The following IRS4 variants were observed in gnomAD, a reference collection of about 807,000 sequenced individuals.
IRS4 encodes 160 kDa phosphotyrosine protein.
IRS4 carries 15 observed loss-of-function variants against 48.6 expected under a neutral mutation model. The observed-to-expected ratio is 0.31, with a 90% CI of 0.21 to 0.48. The LOEUF is 0.48. IRS4 is among the 20% of genes least tolerant of loss of function. IRS4 has a pLI of 0.99. For missense variants in IRS4, 987 were observed against 1,023.4 expected, an observed-to-expected ratio of 0.96 and a Z score of 0.49; for synonymous variants, 459 against 413.2, an observed-to-expected ratio of 1.11 and a Z score of -1.34.
In IRS4 at chrX:108,732,930, C is replaced by G. The variant is rs757680818; in HGVS notation, c.3415G>C (p.Ala1139Pro). The G allele has an allele frequency of 2.5e-6, 3 of 1,183,881 alleles. No homozygotes were observed. In the Admixed American group the frequency reaches 6.9e-5, roughly 27 times the overall value. The change falls in exon 1 of 2, where the codon GCG (alanine) becomes CCG (proline). Residue 1139 changes from alanine to proline, a missense_variant. Coordinates refer to ENST00000372129, the MANE Select transcript of IRS4 (RefSeq NM_001379150.1). ...ALSQVVAAAS[A>P]LAAAPGIGAA... is the part of the protein sequence containing the mutation. ...CCGATGCCCGGGGCTGCGGCGAGCG[C>G]GGAGGCCGCAGCTACAACTTGGCTG...
In IRS4 at chrX:108,733,135, A is replaced by G; in HGVS notation, c.3210T>C (p.Pro1070=). The G allele has an allele frequency of 1.7e-6, 2 of 1,211,365 alleles. No individual in the cohort carries two copies. Among genetic ancestry groups the G allele is most frequent in the Middle Eastern group, 2.3e-4 (1 of 4,352 alleles). Residue 1070 remains proline, a synonymous_variant, in exon 1 of 2, where the codon CCT becomes CCC. Coordinates refer to ENST00000372129, the MANE Select transcript of IRS4 (RefSeq NM_001379150.1). The part of the protein sequence containing the change: ...LSPSRCSEPP[P]VARLLQEEEQ... ...CTTCTTCCTGCAGCAGCCTAGCTACAGGTGGTGGTTCAGAACATCGGCTGG... is the reference window on the plus strand; with the variant it reads ...CTTCTTCCTGCAGCAGCCTAGCTACGGGTGGTGGTTCAGAACATCGGCTGG...
intron 1 of IRS4, among the ~76,000 whole-genome samples, chrX:108,727,600 A>C (rs186649302): frequency 8.4e-4 from 94 of 112,540 alleles, no homozygotes; most frequent in African/African-American, 2.9e-3. Flanking sequence ...GTTTTCTAGT[A>C]AATGATCCTC....
In IRS4 at chrX:108,734,096, A is replaced by C. The variant is rs768366880; in HGVS notation, c.2249T>G (p.Val750Gly). Residue 750 changes from valine to glycine, a missense_variant, in exon 1 of 2, where the codon GTG becomes GGG. Around this residue, in one of 4 missense-constraint regions of IRS4, gnomAD observed 720 missense variants for 660.3 expected, o/e 1.09. Coordinates refer to ENST00000372129, the MANE Select transcript of IRS4 (RefSeq NM_001379150.1). ...AGGACTCGGAGCAGGTGGTGGGCTCACTCTGGGAAACATCATCATGTACCC... is the reference window on the plus strand; with the variant it reads ...AGGACTCGGAGCAGGTGGTGGGCTCCCTCTGGGAAACATCATCATGTACCC... ...SRGYMMMFPR[V>G]SPPPAPSPPK... 5.8e-6 allele frequency: 7 copies of C among 1,209,243 alleles called. No homozygotes were observed. Among genetic ancestry groups the C allele is most frequent in the Non-Finnish European group, 6.7e-6 (6 of 895,011 alleles).
Position 108,733,917 on chromosome X carries a change from A to G in IRS4, c.2428T>C (p.Ser810Pro), listed in dbSNP as rs201542593. The G allele has an allele frequency of 8.3e-7, 1 of 1,209,753 alleles. No individual in the cohort carries two copies. The highest frequency in any genetic ancestry group is 1.8e-5 in the African/African-American group (1 of 57,058). The change falls in exon 1 of 2, where the codon TCT (serine) becomes CCT (proline). Residue 810 changes from serine to proline, a missense_variant. Ser to Pro is a moderately conservative substitution (Grantham distance 74). Around this residue, in one of 4 missense-constraint regions of IRS4, gnomAD observed 720 missense variants for 660.3 expected, o/e 1.09. Transcript: ENST00000372129. ...SSSKSWSSYF[S>P]LPNPFRSSPL... Reference sequence around the variant, plus strand: ...GAGCTCCGAAAAGGGTTTGGTAGAGAGAAGTAGGAGCTCCAACTTTTGGAG... The same window carrying G: ...GAGCTCCGAAAAGGGTTTGGTAGAGGGAAGTAGGAGCTCCAACTTTTGGAG...
Position 108,733,953 on chromosome X carries a change from C to G in IRS4, c.2392G>C (p.Gly798Arg), listed in dbSNP as rs900143792. The change falls in exon 1 of 2, where the codon GGT becomes CGT. Residue 798 changes from glycine to arginine, a missense_variant. Gly to Arg is a moderately radical substitution (Grantham distance 125). Transcript: ENST00000372129. ...AIPKNPRNPQ[G>R]GSSSKSWSSY... ...CTCCAACTTTTGGAGGAAGAGCCACCCTGAGGATTTCTGGGGTTTTTTGGA... is the reference window on the plus strand; with the variant it reads ...CTCCAACTTTTGGAGGAAGAGCCACGCTGAGGATTTCTGGGGTTTTTTGGA... 1.7e-6 allele frequency: 2 copies of G among 1,209,712 alleles called. No individual in the cohort carries two copies. The highest frequency in any genetic ancestry group is 3.0e-5 in the East Asian group (1 of 33,739).
intron 1 of IRS4, among the ~76,000 whole-genome samples, chrX:108,728,145 T>C (rs2068883592): frequency 8.9e-6 from 1 of 112,247 alleles, no homozygotes; most frequent in Non-Finnish European, 1.9e-5. Context: ...GGGATCTAAA[T>C]AGATACATAC....
In IRS4 at chrX:108,735,339, A is replaced by G. The variant is rs1180011371; in HGVS notation, c.1006T>C (p.Tyr336His). The G allele has an allele frequency of 8.3e-7, 1 of 1,209,186 alleles. No homozygotes were observed. Among genetic ancestry groups the G allele is most frequent in the East Asian group, 3.0e-5 (1 of 33,673 alleles). The change falls in exon 1 of 2, where the codon TAC (tyrosine) becomes CAC (histidine). Residue 336 changes from tyrosine (Y) to histidine (H), a missense_variant. By Grantham distance (83) the Tyr-to-His change is moderately conservative. This residue lies in a region of IRS4 where 74 missense variants were observed against 100.4 expected (regional missense o/e 0.74). Coordinates refer to ENST00000372129, the MANE Select transcript of IRS4 (RefSeq NM_001379150.1). ...CTGTAGCTGCGGCAGCGGGCTCTGT[A>G]TTCGTCTGCACACAAGGCTCTCATC... ...EKMRALCADE[Y>H]RARCRSYSIS...
chrX:108,727,144 A>T (rs1569510751), intron 1 of IRS4, among the ~76,000 whole-genome samples: 2 of 112,262 alleles, frequency 1.8e-5, no homozygotes, highest in East Asian at 2.8e-4. Context: ...AATAAGAAAG[A>T]GGTATCAGGA....
chrX:108,734,087 G>C lies in IRS4; in HGVS notation c.2258C>G (p.Pro753Arg). ...TGCTTTTGGAGGACTCGGAGCAGGT[G>C]GTGGGCTCACTCTGGGAAACATCAT... ...YMMMFPRVSPPPAPSPPKAPD... is the reference protein window; with the variant it reads ...YMMMFPRVSPRPAPSPPKAPD... The change falls in exon 1 of 2, where the codon CCA (proline) becomes CGA (arginine). Residue 753 changes from proline (P) to arginine (R), a missense_variant. By Grantham distance (103) the Pro-to-Arg change is moderately radical. Transcript: ENST00000372129. 8.3e-7 allele frequency: 1 copy of C among 1,211,646 alleles called. No individual in the cohort carries two copies.
Position 108,733,287 on chromosome X carries a change from T to G in IRS4, c.3058A>C (p.Ile1020Leu), listed in dbSNP as rs1330981216. 9.9e-6 allele frequency: 12 copies of G among 1,211,359 alleles called. No individual in the cohort carries two copies. Among genetic ancestry groups the G allele is most frequent in the Non-Finnish European group, 1.3e-5 (12 of 895,392 alleles). The change falls in exon 1 of 2, where the codon ATT becomes CTT. Residue 1020 changes from isoleucine to leucine, a missense_variant. Around this residue, in one of 4 missense-constraint regions of IRS4, gnomAD observed 720 missense variants for 660.3 expected, o/e 1.09. Coordinates refer to ENST00000372129, the MANE Select transcript of IRS4 (RefSeq NM_001379150.1). The part of the protein sequence containing the change: ...IEEEGDYIEV[I>L]FNSAMTPAMA... ...GCTGGTGTCATTGCTGAGTTGAAAATTACTTCAATGTAGTCACCCTCTTCC... is the reference window on the plus strand; with the variant it reads ...GCTGGTGTCATTGCTGAGTTGAAAAGTACTTCAATGTAGTCACCCTCTTCC...
intron 1 of IRS4, among the ~76,000 whole-genome samples, chrX:108,731,793 A>G (rs1453832517): frequency 8.9e-6 from 1 of 111,995 alleles, no homozygotes; most frequent in African/African-American, 3.3e-5. Flanking sequence ...ACCCTCTTTT[A>G]GAAGGGTGGG....
rs138941739 is a variant in IRS4 at position 108,732,793 on chromosome X, G to A, written c.3552C>T (p.Gly1184=). The change falls in exon 1 of 2, where the codon GGC becomes GGT. Residue 1184 remains glycine (G), a synonymous_variant. Transcript: ENST00000372129. Reference sequence around the variant, plus strand: ...ATGGGTTGTGGGCTCCAGGGTTCGAGCCACCGGCAACGTCTTGGGCTCCCC... The same window carrying A: ...ATGGGTTGTGGGCTCCAGGGTTCGAACCACCGGCAACGTCTTGGGCTCCCC... The part of the protein sequence containing the change: ...AVRGAQDVAG[G]SNPGAHNPSA... 9 of 1,194,284 alleles carry A rather than the reference G, an allele frequency of 7.5e-6. No individual in the cohort carries two copies. The highest frequency in any genetic ancestry group is 1.0e-5 in the Non-Finnish European group (9 of 885,639).
In IRS4 at chrX:108,736,508, A is replaced by T. The variant is rs933689271; in HGVS notation, c.-164T>A. The T allele has an allele frequency of 2.3e-6, 2 of 859,929 alleles. 1 individual carries two copies. Among genetic ancestry groups the T allele is most frequent in the Non-Finnish European group, 3.3e-6 (2 of 614,777 alleles). The allele number at this position is 859,929 out of a possible 1,213,427, so 70.9% of individuals were successfully genotyped here. On this transcript the variant is annotated 5_prime_UTR_variant, in exon 1 of 2. Coordinates refer to ENST00000372129, the MANE Select transcript of IRS4 (RefSeq NM_001379150.1). The stretch of plus-strand genomic sequence containing the variant: ...CTGAGCGCACGACAGCGGGCAAAAC[A>T]ACACGTGACCACAGCCTCACGCGGC...
rs773958072 is a variant in IRS4, at chrX:108,735,014, C to T, written c.1331G>A (p.Arg444Gln). The T allele has an allele frequency of 9.1e-6, 11 of 1,210,141 alleles. No homozygotes were observed. Among genetic ancestry groups the T allele is most frequent in the South Asian group, 3.5e-5 (2 of 56,849 alleles). The change falls in exon 1 of 2, where the codon CGG becomes CAG. Residue 444 changes from arginine to glutamine, a missense_variant. By Grantham distance (43) the Arg-to-Gln change is conservative. Around this residue, in one of 4 missense-constraint regions of IRS4, gnomAD observed 720 missense variants for 660.3 expected, o/e 1.09. Transcript: ENST00000372129. ...ATTGTTCGGGGCTTCTGCAGGGTGCCGGGGACGTGCTGGGCTGGGTGCTAA... is the reference window on the plus strand; with the variant it reads ...ATTGTTCGGGGCTTCTGCAGGGTGCTGGGGACGTGCTGGGCTGGGTGCTAA... The part of the protein sequence containing the change: ...RRLAPSPARP[R>Q]HPAEAPNNGA...
In IRS4 at chrX:108,736,038, C is replaced by G. The variant is rs987198251; in HGVS notation, c.307G>C (p.Ala103Pro). ...RRYFVLKLET[A>P]DAPARLEYYE... ...TATTCCAGCCGAGCTGGGGCGTCAGCAGTCTCGAGTTTGAGCACGAAGTAG... is the reference window on the plus strand; with the variant it reads ...TATTCCAGCCGAGCTGGGGCGTCAGGAGTCTCGAGTTTGAGCACGAAGTAG... The change falls in exon 1 of 2, where the codon GCT becomes CCT. Residue 103 changes from alanine (A) to proline (P), a missense_variant. Ala to Pro is a conservative substitution (Grantham distance 27). This residue lies in a region of IRS4 where 173 missense variants were observed against 208.9 expected (regional missense o/e 0.83). Transcript: ENST00000372129. 8.3e-7 allele frequency: 1 copy of G among 1,210,645 alleles called. No homozygotes were observed.
intron 1 of IRS4, among the ~76,000 whole-genome samples, chrX:108,729,233 G>A (rs1468426991): frequency 1.6e-4 from 18 of 110,131 alleles, no homozygotes; most frequent in Non-Finnish European, 2.8e-4. Flanking sequence ...CTCAAAAGAA[G>A]CATGATTCCT....
chrX:108,734,801 T>C lies in IRS4; in HGVS notation c.1544A>G (p.His515Arg). The C allele has an allele frequency of 8.3e-7, 1 of 1,211,205 alleles. No homozygotes were observed. The highest frequency in any genetic ancestry group is 1.1e-6 in the Non-Finnish European group (1 of 895,335). The part of the protein sequence containing the change: ...QGSNGQGSSS[H>R]SSGGNQCSGE... ...TGAACACTGGTTTCCTCCCGAGCTA[T>C]GGCTACTGGAGCCTTGGCCATTTGA... The change falls in exon 1 of 2, where the codon CAT becomes CGT. Residue 515 changes from histidine (H) to arginine (R), a missense_variant. By Grantham distance (29) the His-to-Arg change is conservative. Around this residue, in one of 4 missense-constraint regions of IRS4, gnomAD observed 720 missense variants for 660.3 expected, o/e 1.09. Coordinates refer to ENST00000372129, the MANE Select transcript of IRS4 (RefSeq NM_001379150.1).
rs766809958 is a variant in IRS4, at chrX:108,728,480, A to C, written c.3766+4099T>G. ...TGTCATGTGTTGGGTGGAGTGCTGG[A>C]CTTGAAATCAGATGTATGAGTTAGA... On this transcript the variant is annotated intron_variant, in intron 1 of 1. Coordinates refer to ENST00000372129, the MANE Select transcript of IRS4 (RefSeq NM_001379150.1). Among the ~76,000 whole-genome samples, 7 of 112,006 alleles carry C rather than the reference A, an allele frequency of 6.2e-5. No homozygotes were observed. The South Asian group carries it at 2.6e-3, about 42-fold the overall frequency.
intron 1 of IRS4, among the ~76,000 whole-genome samples, chrX:108,725,098 G>T (rs2068868680): frequency 9.0e-6 from 1 of 111,059 alleles, no homozygotes; most frequent in African/African-American, 3.3e-5. Flanking sequence ...ATGCACAGAT[G>T]ACTTCAATAT....
Sources: gnomAD v4.1 joint callset for allele counts (sites outside exome capture counted in the v4.1 genomes callset) on GRCh38, gnomAD v4.1.1 for gene constraint, gnomAD v4.1.1 regional missense constraint, MANE v1.5 for transcripts, NCBI Gene and HGNC (gene_info 2026-07-23, HGNC 2026-07-21) for gene names.